RNF220: variants seen among roughly 807,000 people sequenced by gnomAD.
RNF220 encodes ring finger protein 220.
RNF220 carries 7 observed loss-of-function variants against 67.1 expected under a neutral mutation model. That is an observed-to-expected ratio of 0.10 (90% CI 0.06 to 0.20). The LOEUF (loss-of-function observed/expected upper bound fraction) is 0.20. Among genes scored for constraint, RNF220 ranks in the 10% least tolerant of loss-of-function variants. The pLI is 1.00. For synonymous variants in RNF220, 270 were observed against 283.2 expected (o/e 0.95, Z 0.47); for missense variants, 565 against 740.3 (o/e 0.76, Z 2.75).
intron 2 of RNF220, among the ~76,000 whole-genome samples, chr1:44,587,396 C>T (rs1665783246): frequency 6.6e-6 from 1 of 152,138 alleles, no homozygotes; most frequent in Non-Finnish European, 1.5e-5. Context: ...ATCTGCCCAC[C>T]TCAGCCTCCC....
chr1:44,632,178 G>C (rs775964742), intron 5 of RNF220, 165 bp from the exon 6 acceptor site: 7 of 1,572,874 alleles, frequency 4.5e-6, no homozygotes, highest in Admixed American at 1.9e-5. Context: ...GGAGCGGCCG[G>C]AGGAGCAGAG....
At chr1:44,590,695 T>C (rs1190821623) in intron 2 of RNF220, among the ~76,000 whole-genome samples, 1 of 152,132 alleles carries the variant, frequency 6.6e-6, no homozygotes, top group Non-Finnish European at 1.5e-5. Flanking sequence ...AGATGATGAA[T>C]AGGAAGCGGG....
Position 44,467,457 on chromosome 1 carries a change from C to T in RNF220, c.625+54735C>T, listed in dbSNP as rs919666360. On this transcript the variant is annotated intron_variant, in intron 2 of 14. Transcript: ENST00000361799. Reference sequence around the variant, plus strand: ...AACTCCCAGCCTCAGGTGATCCGCCCACCTTGGCCTCCCAAAGTGCTGGGA... The same window carrying T: ...AACTCCCAGCCTCAGGTGATCCGCCTACCTTGGCCTCCCAAAGTGCTGGGA... Among the ~76,000 whole-genome samples, 4 of 152,226 alleles carry T rather than the reference C, an allele frequency of 2.6e-5. No homozygotes were observed. In the East Asian group the frequency reaches 7.7e-4, roughly 29 times the overall value.
rs1644730441 is a variant in RNF220, at chr1:44,649,369, C to G, written c.1446-292C>G. On this transcript the variant is annotated intron_variant, in intron 12 of 14. Transcript: ENST00000361799. The surrounding 1 kb of genome is among the most constrained non-coding windows in gnomAD (Gnocchi z 5.9). ...GTGGTGAGGAGAGATGCCGGAGATA[C>G]TAGGAGAGATGACAGATTTGGGTGG... 1 of 471,022 alleles carries G rather than the reference C, an allele frequency of 2.1e-6. No homozygotes were observed. Among genetic ancestry groups the G allele is most frequent in the Non-Finnish European group, 3.9e-6 (1 of 257,166 alleles). 29.2% of individuals were successfully genotyped at this position (471,022 alleles called of 1,614,324 possible).
chr1:44,512,711 C>T (rs555726265), intron 2 of RNF220, among the ~76,000 whole-genome samples: 9 of 152,156 alleles, frequency 5.9e-5, no homozygotes, highest in Non-Finnish European at 1.0e-4. Context: ...ACGACGGAGG[C>T]GGCAGGAGTG....
At chr1:44,507,974 C>G (rs560299166) in intron 2 of RNF220, among the ~76,000 whole-genome samples, 43 of 152,020 alleles carry the variant, frequency 2.8e-4, no homozygotes, top group African/African-American at 8.9e-4. Context: ...GAGATGGGCT[C>G]GGGACAGACA....
intron 2 of RNF220, among the ~76,000 whole-genome samples, chr1:44,527,392 G>C (rs892654477): frequency 2.0e-5 from 3 of 152,114 alleles, no homozygotes; most frequent in African/African-American, 7.2e-5. Flanking sequence ...AAGGAAGGGA[G>C]GGAGGGAGTA....
chr1:44,500,187 C>T (rs1657710462), intron 2 of RNF220, among the ~76,000 whole-genome samples: 1 of 152,244 alleles, frequency 6.6e-6, no homozygotes, highest in Admixed American at 6.5e-5. Context: ...GCATGAGAGA[C>T]CTACCCTCTC....
At chr1:44,464,446 G>A (rs1185318658) in intron 2 of RNF220, among the ~76,000 whole-genome samples, 2 of 152,200 alleles carry the variant, frequency 1.3e-5, no homozygotes, top group Admixed American at 1.3e-4. Context: ...ATCTCTACTT[G>A]CATTATATCC....
chr1:44,576,190 A>G (rs1664789931), intron 2 of RNF220, among the ~76,000 whole-genome samples: 1 of 152,258 alleles, frequency 6.6e-6, no homozygotes, highest in Admixed American at 6.5e-5. Context: ...GTGCATACAC[A>G]TAATTTTCTT....
intron 6 of RNF220, among the ~76,000 whole-genome samples, chr1:44,634,114 A>T (rs1644253784): frequency 6.6e-6 from 1 of 152,064 alleles, no homozygotes; most frequent in Non-Finnish European, 1.5e-5. Context: ...TCTGTTTTGG[A>T]GTTGGAGTAG....
chr1:44,526,140 A>G (rs567178101), intron 2 of RNF220, among the ~76,000 whole-genome samples: 6 of 152,302 alleles, frequency 3.9e-5, no homozygotes, highest in South Asian at 4.1e-4. Flanking sequence ...CAAATCCATG[A>G]AAGCATTTAC....
rs1481196031 is a variant in RNF220, at chr1:44,645,371, A to G, written c.1367-39A>G. ...GCCCAACCCCTCACCTGTGCTGCCC[A>G]GTCTGGCCGGAGTGTGAGTTGCCCC... On this transcript the variant is annotated intron_variant, in intron 11 of 14. Transcript: ENST00000361799. This position sits in a 1 kb window ranked among gnomAD's most constrained non-coding sequence, Gnocchi z 5.0. The G allele has an allele frequency of 1.9e-6, 3 of 1,613,800 alleles. No individual in the cohort carries two copies. The highest frequency in any genetic ancestry group is 4.5e-5 in the East Asian group (2 of 44,864).
At chr1:44,544,795 C>T (rs1021433989) in intron 2 of RNF220, among the ~76,000 whole-genome samples, 10 of 152,296 alleles carry the variant, frequency 6.6e-5, no homozygotes, top group African/African-American at 2.2e-4. Context: ...CACTCCACGG[C>T]GGATGCCTGA....
rs1553208902 is a variant in RNF220, at chr1:44,405,379, T to TGCTGCTGCTGCTGCTGCCGCTGCC, written c.-266_-243dup. On this transcript the variant is annotated 5_prime_UTR_variant, in exon 1 of 15. Coordinates refer to ENST00000361799, the MANE Select transcript of RNF220 (RefSeq NM_018150.4). ...CACAAACCCGGGGCCAGCCGCCTACTGCTGCTGCTGCTGCTGCCGCTGCCG... is the reference window on the plus strand; with the variant it reads ...CACAAACCCGGGGCCAGCCGCCTACTGCTGCTGCTGCTGCTGCCGCTGCCGCTGCTGCTGCTGCTGCCGCTGCCG... 9 of 543,476 alleles carry TGCTGCTGCTGCTGCTGCCGCTGCC rather than the reference T, an allele frequency of 1.7e-5. No individual in the cohort carries two copies. Among genetic ancestry groups the TGCTGCTGCTGCTGCTGCCGCTGCC allele is most frequent in the Non-Finnish European group, 3.0e-5 (9 of 301,752 alleles). The allele number at this position is 543,476 out of a possible 1,614,324, so 33.7% of individuals were successfully genotyped here. A position where few individuals can be genotyped will look rare whatever the true frequency, so the allele number is the denominator to read the frequency against.
At chr1:44,632,127 G>A (rs754714729) in intron 5 of RNF220, 1 of 1,516,906 alleles carries the variant, frequency 6.6e-7, no homozygotes. Flanking sequence ...GCGGCCACGG[G>A]GTCCCGTTAG....
chr1:44,523,472 A>T (rs1181067470), intron 2 of RNF220, among the ~76,000 whole-genome samples: 1 of 152,194 alleles, frequency 6.6e-6, no homozygotes. Context: ...TAGAGTGGGG[A>T]TAGGACTTGG....
intron 2 of RNF220, among the ~76,000 whole-genome samples, chr1:44,551,119 C>CT (rs386366846): frequency 0.57 from 54,420 of 96,200 alleles, 18,716 homozygotes; most frequent in Non-Finnish European, 0.69. Flanking sequence ...CACTTCTTGC[C>CT]TTTTTTTTTT....
chr1:44,648,455 G>C (rs1644707113), intron 12 of RNF220: 1 of 152,104 alleles, frequency 6.6e-6, no homozygotes, highest in Non-Finnish European at 1.5e-5. Context: ...ACTTTTCCAG[G>C]AAGCATTCTT....
Sources: allele counts gnomAD v4.1 joint callset (sites outside exome capture counted in the v4.1 genomes callset), GRCh38; gene constraint gnomAD v4.1.1; non-coding constraint Gnocchi (gnomAD v3.1); transcripts MANE v1.5; gene names NCBI Gene and HGNC (gene_info 2026-07-23, HGNC 2026-07-21).